Variants in TMEM63A observed in about 807,000 individuals in gnomAD.
The protein encoded by TMEM63A is mechanosensitive cation channel TMEM63A.
Under a neutral mutation model 100.6 loss-of-function variants are expected in TMEM63A, and 76 were observed. The ratio of observed to expected loss-of-function variants is 0.76; its 90% CI spans 0.63 to 0.91. The LOEUF (loss-of-function observed/expected upper bound fraction) is 0.91, where lower values mean the gene tolerates loss of function less well. Among genes scored for constraint, TMEM63A ranks in the 40% least tolerant of loss-of-function variants. The pLI is 0.00. For synonymous variants in TMEM63A, 401 were observed against 401.1 expected (o/e 1.00, Z 0.00); for missense variants, 876 against 1,008.8 (o/e 0.87, Z 1.78).
intron 18 of TMEM63A, among the ~76,000 whole-genome samples, chr1:225,854,898 G>A (rs1340544565): frequency 1.3e-5 from 2 of 152,210 alleles, no homozygotes; most frequent in African/African-American, 2.4e-5. Context: ...AGGATGCTGC[G>A]AGATGAGAGA....
In TMEM63A at chr1:225,853,890, C is replaced by A; in HGVS notation, c.1635-99G>T. 2.5e-6 allele frequency: 3 copies of A among 1,186,360 alleles called. No individual in the cohort carries two copies. The highest frequency in any genetic ancestry group is 3.5e-6 in the Non-Finnish European group (3 of 864,244). The allele number at this position is 1,186,360 out of a possible 1,614,324, so 73.5% of individuals were successfully genotyped here. A position where few individuals can be genotyped will look rare whatever the true frequency, so the allele number is the denominator to read the frequency against. On this transcript the variant is annotated intron_variant, in intron 18 of 24. Coordinates refer to ENST00000366835, the MANE Select transcript of TMEM63A (RefSeq NM_014698.3). This position sits in a 1 kb window ranked among gnomAD's most constrained non-coding sequence, Gnocchi z 4.0. ...CAGGAGCAGAAAGCCCCTGGGAGGG[C>A]TGTATACTCTTCCGTTCATTCAGCA...
Position 225,860,924 on chromosome 1 carries a change from T to C in TMEM63A, c.1159A>G (p.Ser387Gly). The change falls in exon 14 of 25, where the codon AGC becomes GGC. Residue 387 changes from serine to glycine, a missense_variant. Ser to Gly is a moderately conservative substitution (Grantham distance 56, BLOSUM62 0). Transcript: ENST00000366835. ...CACTTGGAGGTATAGAGCTCCCTGC[T>C]ATGGGAGGACGGCTGGGGCTCACCT... ...CKGEPQPSSHSRELYTSKWTV... is the reference protein window; with the variant it reads ...CKGEPQPSSHGRELYTSKWTV... 1 of 1,613,016 alleles carries C rather than the reference T, an allele frequency of 6.2e-7. No homozygotes were observed. Among genetic ancestry groups the C allele is most frequent in the Non-Finnish European group, 8.5e-7 (1 of 1,179,534 alleles).
At chr1:225,844,241 G>A (rs900564973), downstream of TMEM63A, among the ~76,000 whole-genome samples, 3 of 152,054 alleles carry the variant, frequency 2.0e-5, no homozygotes, top group Admixed American at 6.6e-5. Flanking sequence ...CAGGAGAGAG[G>A]GGACAGGTGT....
intron 20 of TMEM63A, among the ~76,000 whole-genome samples, chr1:225,852,055 TTTGA>T (rs1669367801): frequency 1.3e-5 from 2 of 152,248 alleles, no homozygotes; most frequent in Non-Finnish European, 2.9e-5. Flanking sequence ...GCACGAGAGC[TTTGA>T]TTGTGACTCT....
intron 23 of TMEM63A, 72 bp downstream of exon 23, chr1:225,848,420 A>G (rs1669132807): frequency 1.3e-6 from 2 of 1,514,768 alleles, no homozygotes; most frequent in Non-Finnish European, 1.8e-6. Flanking sequence ...GCCGGGGCCC[A>G]TCTGGTTGGG....
Position 225,866,530 on chromosome 1 carries a change from C to T in TMEM63A, c.675+44G>A, listed in dbSNP as rs779199122. On this transcript the variant is annotated intron_variant, in intron 9 of 24. Coordinates refer to ENST00000366835, the MANE Select transcript of TMEM63A (RefSeq NM_014698.3). ...GAGGCCCTTCCACTCCGACTCCCACCTGAGTCCCTCCCAGCACATGTCCCT... is the reference window on the plus strand; with the variant it reads ...GAGGCCCTTCCACTCCGACTCCCACTTGAGTCCCTCCCAGCACATGTCCCT... The T allele has an allele frequency of 4.4e-6, 7 of 1,577,684 alleles. No individual in the cohort carries two copies. In the South Asian group the frequency reaches 7.9e-5, roughly 18 times the overall value.
downstream of TMEM63A, chr1:225,842,286 A>C (rs1272305938): frequency 1.6e-4 from 174 of 1,073,434 alleles, 3 homozygotes; most frequent in South Asian, 1.9e-3. Context: ...CTCTGCGGCC[A>C]GTGCCACACA....
chr1:225,867,172 A>C lies in TMEM63A; in HGVS notation c.515-9T>G. On this transcript the variant is annotated splice_polypyrimidine_tract_variant and intron_variant, in intron 7 of 24. Transcript: ENST00000366835. The surrounding 1 kb of genome is among the most constrained non-coding windows in gnomAD (Gnocchi z 4.6). Reference sequence around the variant, plus strand: ...ACTATACGGGTCTTTGTCTGCAGAGAAGCACAGATACTTAGTTCCAGGGTC... The same window carrying C: ...ACTATACGGGTCTTTGTCTGCAGAGCAGCACAGATACTTAGTTCCAGGGTC... The C allele has an allele frequency of 1.2e-6, 2 of 1,614,066 alleles. No individual in the cohort carries two copies. Among genetic ancestry groups the C allele is most frequent in the Non-Finnish European group, 1.7e-6 (2 of 1,179,986 alleles).
At chr1:225,849,243 T>C (rs1366967098) in intron 21 of TMEM63A, among the ~76,000 whole-genome samples, 1 of 135,902 alleles carries the variant, frequency 7.4e-6, no homozygotes, top group Non-Finnish European at 1.5e-5. Context: ...ACTGGCATCA[T>C]CCCTGGTCAG....
intron 17 of TMEM63A, among the ~76,000 whole-genome samples, chr1:225,856,289 C>T (rs1298236988): frequency 2.7e-5 from 4 of 147,320 alleles, no homozygotes; most frequent in Admixed American, 2.0e-4. Context: ...GGATTACAGG[C>T]GTGAGCCACT....
At position 225,868,002 on chromosome 1, in the gene TMEM63A, C is replaced by G; in HGVS notation, c.400G>C (p.Glu134Gln). ...HDDQILEWCG[E>Q]DAIHYLSFQR... Reference sequence around the variant, plus strand: ...AAGGACAGGTAGTGGATGGCGTCCTCCCCACACCATTCCAGGATCTGGTCA... The same window carrying G: ...AAGGACAGGTAGTGGATGGCGTCCTGCCCACACCATTCCAGGATCTGGTCA... Residue 134 changes from glutamate to glutamine, a missense_variant, in exon 7 of 25, where the codon GAG becomes CAG. Physicochemically the swap from Glu to Gln is conservative, Grantham distance 29. This residue lies in a region of TMEM63A where 487 missense variants were observed against 581.9 expected (regional missense o/e 0.84). Coordinates refer to ENST00000366835, the MANE Select transcript of TMEM63A (RefSeq NM_014698.3). 1 of 1,614,154 alleles carries G rather than the reference C, an allele frequency of 6.2e-7. No homozygotes were observed. Among genetic ancestry groups the G allele is most frequent in the Non-Finnish European group, 8.5e-7 (1 of 1,180,038 alleles).
At chr1:225,841,600 C>G (rs1668422706), downstream of TMEM63A, among the ~76,000 whole-genome samples, 1 of 126,576 alleles carries the variant, frequency 7.9e-6, no homozygotes, top group Non-Finnish European at 1.7e-5. Context: ...ACTGTCCCAG[C>G]CTTTTTTTTT....
chr1:225,881,956 G>C (rs909742235), intron 1 of TMEM63A, among the ~76,000 whole-genome samples: 2 of 152,206 alleles, frequency 1.3e-5, no homozygotes, highest in East Asian at 3.9e-4. Context: ...CTCGTATAGG[G>C]TCCGAGGAGC....
At chr1:225,859,412 G>C in intron 14 of TMEM63A, 63 bp from the exon 15 acceptor site, 1 of 1,592,092 alleles carries the variant, frequency 6.3e-7, no homozygotes. Context: ...GCTTAGGTGG[G>C]TCAGAAGGTC....
chr1:225,856,990 TG>T lies in TMEM63A; in HGVS notation c.1404del (p.Thr469ProfsTer34). ...LNNPIISQFFPTLLLWSFSAL... is the reference protein window; with the variant it reads ...LNNPIISQFFXTLLLWSFSAL... ...GCCGAGAAGGACCAGAGCAGGAGGG[TG>T]GGGAAGAACTGGCTGATGATCGGGT... On this transcript the variant is annotated frameshift_variant, in exon 16 of 25. Coordinates refer to ENST00000366835, the MANE Select transcript of TMEM63A (RefSeq NM_014698.3). LOFTEE classifies it high-confidence loss of function. 3 of 1,586,146 alleles carry T rather than the reference TG, an allele frequency of 1.9e-6. No individual in the cohort carries two copies. The highest frequency in any genetic ancestry group is 2.6e-6 in the Non-Finnish European group (3 of 1,171,674).
chr1:225,855,863 C>G lies in TMEM63A; in HGVS notation c.1634+15G>C, dbSNP rs767476553. 9 of 1,613,612 alleles carry G rather than the reference C, an allele frequency of 5.6e-6. No individual in the cohort carries two copies. The highest frequency in any genetic ancestry group is 2.2e-5 in the South Asian group (2 of 90,960). On this transcript the variant is annotated intron_variant, in intron 18 of 24. Transcript: ENST00000366835. ...CCAGGGCCATGGCTCCAGAACTCAA[C>G]TTGGCAATACTCACTCCAACCTGAT...
chr1:225,858,611 T>C (rs575009646), intron 15 of TMEM63A, among the ~76,000 whole-genome samples: 1 of 152,254 alleles, frequency 6.6e-6, no homozygotes, highest in African/African-American at 2.4e-5. Context: ...AGGCGTGAGC[T>C]ACCGTGCCCG....
At chr1:225,863,360 A>G (rs1480203565) in intron 10 of TMEM63A, among the ~76,000 whole-genome samples, 1 of 152,074 alleles carries the variant, frequency 6.6e-6, no homozygotes, top group Non-Finnish European at 1.5e-5. Context: ...CTTTTTTAGT[A>G]GTATGAAGCT....
chr1:225,865,653 A>T lies in TMEM63A; in HGVS notation c.746+244T>A. ...ACCTACACCCTGGTCTGTGCTCTGG[A>T]CACTGTGCACAGGCTGCTTGAAGAG... On this transcript the variant is annotated intron_variant, in intron 10 of 24. Coordinates refer to ENST00000366835, the MANE Select transcript of TMEM63A (RefSeq NM_014698.3). The surrounding 1 kb of genome is among the most constrained non-coding windows in gnomAD (Gnocchi z 4.6). The T allele has an allele frequency of 1.9e-6, 1 of 518,524 alleles. No homozygotes were observed. Among genetic ancestry groups the T allele is most frequent in the South Asian group, 2.3e-5 (1 of 43,626 alleles). The allele number at this position is 518,524 out of a possible 1,614,324, so 32.1% of individuals were successfully genotyped here.
Sources: allele counts gnomAD v4.1 joint callset (sites outside exome capture counted in the v4.1 genomes callset), GRCh38; gene constraint gnomAD v4.1.1; regional missense constraint gnomAD v4.1.1; non-coding constraint Gnocchi (gnomAD v3.1); transcripts MANE v1.5; gene names NCBI Gene and HGNC (gene_info 2026-07-23, HGNC 2026-07-21).